CLPTM1: variants seen among roughly 807,000 people sequenced by gnomAD.
The protein encoded by CLPTM1 is CLPTM1 regulator of GABA type A receptor forward trafficking.
CLPTM1 carries 21 observed loss-of-function variants against 77.3 expected under a neutral mutation model. That is an observed-to-expected ratio of 0.27 (90% confidence interval 0.19 to 0.39). The LOEUF is 0.39. Among genes scored for constraint, CLPTM1 ranks in the 10% least tolerant of loss-of-function variants. The probability of loss-of-function intolerance (pLI) is 1.00; values close to 1 mark genes in which losing one functional copy is unlikely to be tolerated. For synonymous variants in CLPTM1, 373 were observed against 381.0 expected, an observed-to-expected ratio of 0.98 and a Z score of 0.24; for missense variants, 642 against 921.2, an observed-to-expected ratio of 0.70 and a Z score of 3.92.
rs777896038 is a variant in CLPTM1 at position 44,985,310 on chromosome 19, G to A, written c.672+7G>A. ...GGACCCAGAAATGATCAAGGTAAAT[G>A]GGCAGGGTTGTCAGGGCCTATAGGG... On this transcript the variant is annotated splice_region_variant and intron_variant, in intron 6 of 13. Transcript: ENST00000337392. 13 of 1,597,248 alleles carry A rather than the reference G, an allele frequency of 8.1e-6. No individual in the cohort carries two copies. Among genetic ancestry groups the A allele is most frequent in the African/African-American group, 2.7e-5 (2 of 74,608 alleles).
chr19:44,982,551 G>A (rs1970915583), intron 5 of CLPTM1, among the ~76,000 whole-genome samples: 1 of 152,226 alleles, frequency 6.6e-6, no homozygotes, highest in Admixed American at 6.5e-5. Context: ...CCTCCAAGCT[G>A]CAGAATGTGT....
intron 6 of CLPTM1, 113 bp downstream of exon 6, chr19:44,985,416 G>A (rs974032959): frequency 1.3e-5 from 9 of 717,814 alleles, no homozygotes; most frequent in African/African-American, 7.1e-5. Context: ...ATGCCGGCTC[G>A]GTCATGCCAC....
chr19:44,971,421 C>G (rs1022882919), intron 2 of CLPTM1, among the ~76,000 whole-genome samples: 1 of 152,032 alleles, frequency 6.6e-6, no homozygotes, highest in Admixed American at 6.6e-5. Context: ...AATAATTAAG[C>G]CCACTGTTAC....
intron 5 of CLPTM1, among the ~76,000 whole-genome samples, chr19:44,984,835 C>T (rs112329279): frequency 0.054 from 8,202 of 152,110 alleles, 241 homozygotes; most frequent in South Asian, 0.089. Context: ...TACAGGCACC[C>T]GCCACCACAT....
intron 2 of CLPTM1, among the ~76,000 whole-genome samples, chr19:44,972,153 G>T (rs1277205844): frequency 4.0e-5 from 6 of 151,772 alleles, no homozygotes; most frequent in African/African-American, 1.5e-4. Flanking sequence ...GAGCCACTGT[G>T]CCTGGCCTCT....
Position 44,991,061 on chromosome 19 carries a change from C to A in CLPTM1, c.1419+116C>A, listed in dbSNP as rs1971066871. On this transcript the variant is annotated intron_variant, in intron 11 of 13. Transcript: ENST00000337392. The surrounding 1 kb of genome is among the most constrained non-coding windows in gnomAD (Gnocchi z 5.4). ...CCATGCTTTACAGCCTGTGCCACATCCTCTGTGTCCCCCATCTGCCATAAC... is the reference window on the plus strand; with the variant it reads ...CCATGCTTTACAGCCTGTGCCACATACTCTGTGTCCCCCATCTGCCATAAC... The A allele has an allele frequency of 7.8e-7, 1 of 1,286,504 alleles. No homozygotes were observed. The highest frequency in any genetic ancestry group is 1.3e-5 in the South Asian group (1 of 78,526). 79.7% of individuals were successfully genotyped at this position (1,286,504 alleles called of 1,614,324 possible).
intron 1 of CLPTM1, among the ~76,000 whole-genome samples, chr19:44,956,054 T>A (rs1176472568): frequency 6.6e-6 from 1 of 152,164 alleles, no homozygotes; most frequent in Non-Finnish European, 1.5e-5. Context: ...TAATGTAAAA[T>A]AGTTCTATGG....
intron 1 of CLPTM1, 63 bp downstream of exon 1, chr19:44,955,530 T>C (rs1403733729): frequency 3.2e-6 from 4 of 1,241,232 alleles, no homozygotes; most frequent in Non-Finnish European, 4.1e-6. Context: ...CCACGGGGCG[T>C]GTCCTACCTC....
rs1235700312 is a variant in CLPTM1, at chr19:44,991,790, A to G, written c.1555+417A>G. ...AGTGGTGGTGCGTGCCTGTAGTCCC[A>G]GCTACCTGGGAGGCTGAGGTGGGAG... On this transcript the variant is annotated intron_variant, in intron 12 of 13. Coordinates refer to ENST00000337392, the MANE Select transcript of CLPTM1 (RefSeq NM_001294.4). The surrounding 1 kb of genome is among the most constrained non-coding windows in gnomAD (Gnocchi z 5.4). Among the ~76,000 whole-genome samples, 1 of 152,144 alleles carries G rather than the reference A, an allele frequency of 6.6e-6. No individual in the cohort carries two copies. The highest frequency in any genetic ancestry group is 1.5e-5 in the Non-Finnish European group (1 of 68,026).
At chr19:44,988,914 C>T (rs1364618817) in intron 9 of CLPTM1, among the ~76,000 whole-genome samples, 2 of 152,152 alleles carry the variant, frequency 1.3e-5, no homozygotes, top group Non-Finnish European at 2.9e-5. Flanking sequence ...CTGGTGGTGG[C>T]TCTCGCCTGT....
chr19:44,955,160 G>A (rs1267569328), upstream of CLPTM1: 2 of 1,535,668 alleles, frequency 1.3e-6, no homozygotes, highest in Non-Finnish European at 1.7e-6. Context: ...CCTGGAGTTC[G>A]GAGCATACAG....
chr19:44,955,988 C>T (rs899390885), intron 1 of CLPTM1: 1 of 153,306 alleles, frequency 6.5e-6, no homozygotes, highest in South Asian at 2.1e-4. Context: ...AGGTTTGTAA[C>T]TTTATGTAGA....
At chr19:44,956,139 A>G (rs1970461054) in intron 1 of CLPTM1, among the ~76,000 whole-genome samples, 1 of 152,302 alleles carries the variant, frequency 6.6e-6, no homozygotes, top group East Asian at 1.9e-4. Flanking sequence ...CATTTCAGGC[A>G]GCTACCGTTC....
chr19:44,957,427 G>A (rs1470692618), intron 1 of CLPTM1, among the ~76,000 whole-genome samples: 1 of 152,236 alleles, frequency 6.6e-6, no homozygotes, highest in Non-Finnish European at 1.5e-5. Flanking sequence ...TCAGCGCCAG[G>A]CACAGAGGAG....
chr19:44,981,487 C>T (rs1970896981), intron 5 of CLPTM1, among the ~76,000 whole-genome samples: 1 of 152,092 alleles, frequency 6.6e-6, no homozygotes, highest in Non-Finnish European at 1.5e-5. Flanking sequence ...TCCTCCGACT[C>T]AGGAGGCTCA....
At chr19:44,963,799 G>T (rs1277967792) in intron 2 of CLPTM1, among the ~76,000 whole-genome samples, 2 of 151,768 alleles carry the variant, frequency 1.3e-5, no homozygotes, top group African/African-American at 4.8e-5. Flanking sequence ...TGTATTTTTA[G>T]TAGAGATGGG....
rs747200431 is a variant in CLPTM1 at position 44,993,002 on chromosome 19, G to A, written c.*105G>A. 9.7e-5 allele frequency: 135 copies of A among 1,395,558 alleles called. No homozygotes were observed. Among genetic ancestry groups the A allele is most frequent in the Non-Finnish European group, 1.3e-4 (127 of 1,015,046 alleles). The allele number at this position is 1,395,558 out of a possible 1,614,324, so 86.4% of individuals were successfully genotyped here. On this transcript the variant is annotated 3_prime_UTR_variant, in exon 14 of 14. Coordinates refer to ENST00000337392, the MANE Select transcript of CLPTM1 (RefSeq NM_001294.4). ...GCCCTTTCCCTGGACAGATCAGGCC[G>A]GGGCGGTGGGAGGCCCGCCTCAGGT...
At chr19:44,971,620 G>A (rs1001815103) in intron 2 of CLPTM1, among the ~76,000 whole-genome samples, 3 of 151,976 alleles carry the variant, frequency 2.0e-5, no homozygotes, top group Non-Finnish European at 2.9e-5. Flanking sequence ...GTGCAGTGGC[G>A]CAATCACGTC....
intron 3 of CLPTM1, 127 bp downstream of exon 3, chr19:44,973,337 C>G (rs1237291535): frequency 2.3e-6 from 3 of 1,315,970 alleles, no homozygotes; most frequent in African/African-American, 3.0e-5. Context: ...GAAAACAGGT[C>G]CAGGGTTGAG....
Sources: gnomAD v4.1 joint callset for allele counts (sites outside exome capture counted in the v4.1 genomes callset) on GRCh38, gnomAD v4.1.1 for gene constraint, Gnocchi (gnomAD v3.1) non-coding constraint, MANE v1.5 for transcripts, NCBI Gene and HGNC (gene_info 2026-07-23, HGNC 2026-07-21) for gene names.